UNC119B: variants seen among roughly 807,000 people sequenced by gnomAD.
The protein encoded by UNC119B is unc-119 lipid binding chaperone B.
UNC119B carries 16 observed loss-of-function variants against 23.4 expected under a neutral mutation model. That is an observed-to-expected ratio of 0.68 (90% confidence interval 0.46 to 1.04). The LOEUF (loss-of-function observed/expected upper bound fraction) is 1.04. UNC119B is among the 50% of genes least tolerant of loss of function. UNC119B has a pLI of 0.00. For missense variants in UNC119B, 350 were observed against 361.3 expected, an observed-to-expected ratio of 0.97 and a Z score of 0.25; for synonymous variants, 144 against 145.4, an observed-to-expected ratio of 0.99 and a Z score of 0.07.
At chr12:120,715,328 GTC>G in intron 2 of UNC119B, among the ~76,000 whole-genome samples, 2 of 152,272 alleles carry the variant, frequency 1.3e-5, no homozygotes, top group South Asian at 4.1e-4. Context: ...GGGTTTTAGA[GTC>G]TCTGGGGGTG....
intron 4 of UNC119B, among the ~76,000 whole-genome samples, chr12:120,719,098 T>C (rs747261843): frequency 9.9e-5 from 15 of 152,240 alleles, no homozygotes; most frequent in Non-Finnish European, 2.1e-4. Context: ...AGTTTCACTT[T>C]TTGAGAACTG....
chr12:120,710,867 C>A, intron 1 of UNC119B, 149 bp downstream of exon 1: 1 of 729,648 alleles, frequency 1.4e-6, no homozygotes, highest in Non-Finnish European at 1.8e-6. Flanking sequence ...GCCGGCCGGG[C>A]TTTGCTCCCG....
chr12:120,713,433 G>C, intron 2 of UNC119B, 46 bp downstream of exon 2: 1 of 1,451,348 alleles, frequency 6.9e-7, no homozygotes, highest in Non-Finnish European at 9.6e-7. Context: ...TTGAGCCAAA[G>C]GTCTTTGAAA....
In UNC119B at chr12:120,710,528, G is replaced by T. The variant is rs765667509; in HGVS notation, c.54G>T (p.Gly18=). The T allele has an allele frequency of 1.2e-5, 17 of 1,371,726 alleles. No individual in the cohort carries two copies. Among genetic ancestry groups the T allele is most frequent in the East Asian group, 9.2e-5 (3 of 32,778 alleles). 85.0% of individuals were successfully genotyped at this position (1,371,726 alleles called of 1,614,324 possible). A position where few individuals can be genotyped will look rare whatever the true frequency, so the allele number is the denominator to read the frequency against. Residue 18 remains glycine (G), a synonymous_variant, in exon 1 of 5, where the codon GGG becomes GGT. Coordinates refer to ENST00000344651, the MANE Select transcript of UNC119B (RefSeq NM_001080533.3). ...AAAAASAAGP[G]GLVAGKEEKK... ...CCGCGGCGTCGGCGGCTGGGCCCGGGGGGCTGGTGGCTGGCAAGGAGGAGA... is the reference window on the plus strand; with the variant it reads ...CCGCGGCGTCGGCGGCTGGGCCCGGTGGGCTGGTGGCTGGCAAGGAGGAGA...
chr12:120,716,773 CTGTT>C, intron 3 of UNC119B, 34 bp downstream of exon 3: 1 of 1,608,736 alleles, frequency 6.2e-7, no homozygotes, highest in South Asian at 1.1e-5. Flanking sequence ...GGAGAACATT[CTGTT>C]TGTTCACAGA....
At chr12:120,712,712 G>A (rs1882695044) in intron 1 of UNC119B, among the ~76,000 whole-genome samples, 1 of 152,208 alleles carries the variant, frequency 6.6e-6, no homozygotes, top group African/African-American at 2.4e-5. Flanking sequence ...CTGGAATATA[G>A]CCACATTCAT....
At chr12:120,719,781 C>G (rs1882850177) in intron 4 of UNC119B, 139 bp from the exon 5 acceptor site, 2 of 636,426 alleles carry the variant, frequency 3.1e-6, no homozygotes, top group African/African-American at 1.8e-5. Context: ...CTGTTCTGAC[C>G]TCATCGTTAT....
At chr12:120,716,847 G>A (rs1243966352) in intron 3 of UNC119B, 23 bp from the exon 4 acceptor site, 1 of 1,607,524 alleles carries the variant, frequency 6.2e-7, no homozygotes, top group Non-Finnish European at 8.5e-7. Flanking sequence ...GCAAAGTCGG[G>A]CTTACAGAGA....
At chr12:120,717,233 G>C (rs760607741) in intron 4 of UNC119B, among the ~76,000 whole-genome samples, 191 bp downstream of exon 4, 30 of 152,192 alleles carry the variant, frequency 2.0e-4, no homozygotes, top group Admixed American at 6.6e-4. Flanking sequence ...GACTCGGCCC[G>C]TATGGGAGCA....
intron 1 of UNC119B, among the ~76,000 whole-genome samples, chr12:120,712,961 G>T (rs534692079): frequency 1.6e-3 from 250 of 152,330 alleles, no homozygotes; most frequent in African/African-American, 5.7e-3. Flanking sequence ...AGTTCGCCCT[G>T]TTCTGACATC....
Position 120,721,437 on chromosome 12 carries a change from A to C in UNC119B, c.*1405A>C, listed in dbSNP as rs946619283. ...CCCAGGTATCTGGTAAGTGACTGTG[A>C]GGTGTCACAGTACCTGTGACAGGAG... On this transcript the variant is annotated 3_prime_UTR_variant, in exon 5 of 5. Coordinates refer to ENST00000344651, the MANE Select transcript of UNC119B (RefSeq NM_001080533.3). 3.9e-5 allele frequency: 6 copies of C among 152,254 alleles called. No homozygotes were observed. Among genetic ancestry groups the C allele is most frequent in the African/African-American group, 1.4e-4 (6 of 41,442 alleles). The allele number at this position is 152,254 out of a possible 1,614,324, so 9.4% of individuals were successfully genotyped here.
rs1225705953 is a variant in UNC119B at position 120,716,743 on chromosome 12, A to T, written c.470+4A>T. On this transcript the variant is annotated splice_donor_region_variant and intron_variant, in intron 3 of 4. Transcript: ENST00000344651. ...GCCTCCGGACAGTCGGGGCTACGTG[A>T]GTACCATTACTACCTGAGGGGAGAA... 6.2e-6 allele frequency: 10 copies of T among 1,613,696 alleles called. No individual in the cohort carries two copies. Among genetic ancestry groups the T allele is most frequent in the Non-Finnish European group, 8.5e-6 (10 of 1,179,596 alleles).
In UNC119B at chr12:120,716,759, G is replaced by T; in HGVS notation, c.470+20G>T. 6.2e-7 allele frequency: 1 copy of T among 1,612,136 alleles called. No homozygotes were observed. Among genetic ancestry groups the T allele is most frequent in the Non-Finnish European group, 8.5e-7 (1 of 1,178,274 alleles). On this transcript the variant is annotated intron_variant, in intron 3 of 4. Transcript: ENST00000344651. ...GGCTACGTGAGTACCATTACTACCT[G>T]AGGGGAGAACATTCTGTTTGTTCAC...
In UNC119B at chr12:120,723,141, C is replaced by G. The variant is rs1882949178; in HGVS notation, c.*3109C>G. 1 of 154,578 alleles carries G rather than the reference C, an allele frequency of 6.5e-6. No individual in the cohort carries two copies. Among genetic ancestry groups the G allele is most frequent in the Non-Finnish European group, 1.5e-5 (1 of 68,290 alleles). The allele number at this position is 154,578 out of a possible 1,614,324, so 9.6% of individuals were successfully genotyped here. ...CCCACCGGTACGCTTCCAGGATACT[C>G]TTTTCCCCTCTGTAAAGTCACTTTC... On this transcript the variant is annotated 3_prime_UTR_variant, in exon 5 of 5. Transcript: ENST00000344651.
chr12:120,721,082 C>T lies in UNC119B; in HGVS notation c.*1050C>T, dbSNP rs967460683. On this transcript the variant is annotated 3_prime_UTR_variant, in exon 5 of 5. Coordinates refer to ENST00000344651, the MANE Select transcript of UNC119B (RefSeq NM_001080533.3). ...TTGGCTTTTGATGGGGATTTGCCTC[C>T]GAAGCTCTTTGTACATTTCTTGTTT... 2.6e-5 allele frequency: 4 copies of T among 152,170 alleles called. No individual in the cohort carries two copies. The highest frequency in any genetic ancestry group is 1.9e-4 in the East Asian group (1 of 5,196). 9.4% of individuals were successfully genotyped at this position (152,170 alleles called of 1,614,324 possible). A position where few individuals can be genotyped will look rare whatever the true frequency, so the allele number is the denominator to read the frequency against.
Position 120,710,609 on chromosome 12 carries a change from C to T in UNC119B, c.135C>T (p.Pro45=). ...LNRLKARRQA[P]HHAADDGVGA... is the part of the protein sequence containing the mutation. The stretch of plus-strand genomic sequence containing the variant: ...GCCTGAAGGCGCGGCGGCAGGCGCC[C>T]CACCACGCGGCCGACGACGGCGTCG... The change falls in exon 1 of 5, where the codon CCC becomes CCT. Residue 45 remains proline (P), a synonymous_variant. Coordinates refer to ENST00000344651, the MANE Select transcript of UNC119B (RefSeq NM_001080533.3). 7.0e-7 allele frequency: 1 copy of T among 1,438,798 alleles called. No individual in the cohort carries two copies. Among genetic ancestry groups the T allele is most frequent in the Middle Eastern group, 2.5e-4 (1 of 4,072 alleles). The allele number at this position is 1,438,798 out of a possible 1,614,324, so 89.1% of individuals were successfully genotyped here. A position where few individuals can be genotyped will look rare whatever the true frequency, so the allele number is the denominator to read the frequency against.
In UNC119B at chr12:120,710,628, G is replaced by C; in HGVS notation, c.154G>C (p.Gly52Arg). ...RQAPHHAADDGVGAAVTEQEL... is the reference protein window; with the variant it reads ...RQAPHHAADDRVGAAVTEQEL... ...GGCGCCCCACCACGCGGCCGACGAC[G>C]GCGTCGGGGCAGCGGTCACGGAGCA... Residue 52 changes from glycine to arginine, a missense_variant, in exon 1 of 5, where the codon GGC becomes CGC. Transcript: ENST00000344651. The C allele has an allele frequency of 3.5e-6, 5 of 1,443,576 alleles. No individual in the cohort carries two copies. Among genetic ancestry groups the C allele is most frequent in the Non-Finnish European group, 4.5e-6 (5 of 1,102,844 alleles). The allele number at this position is 1,443,576 out of a possible 1,614,324, so 89.4% of individuals were successfully genotyped here.
At chr12:120,713,455 G>T in intron 2 of UNC119B, 68 bp downstream of exon 2, 1 of 1,160,188 alleles carries the variant, frequency 8.6e-7, no homozygotes, top group Non-Finnish European at 1.3e-6. Flanking sequence ...TCAAATCTTT[G>T]TGTGCCACTG....
intron 1 of UNC119B, 42 bp downstream of exon 1, chr12:120,710,760 C>T (rs1337298208): frequency 6.9e-6 from 9 of 1,295,208 alleles, no homozygotes; most frequent in African/African-American, 4.7e-5. Context: ...GCGCCGTGCC[C>T]CGGCTCCCGG....
Sources: allele counts gnomAD v4.1 joint callset (sites outside exome capture counted in the v4.1 genomes callset), GRCh38; gene constraint gnomAD v4.1.1; transcripts MANE v1.5; gene names NCBI Gene and HGNC (gene_info 2026-07-23, HGNC 2026-07-21).